Variants in DNAH5 observed in about 807,000 individuals in gnomAD.
The protein encoded by DNAH5 is dynein axonemal heavy chain 5, also known as axonemal beta dynein heavy chain 5.
In DNAH5, 372 loss-of-function variants were observed where a neutral mutation model predicts 518.2. The observed-to-expected ratio is 0.72, with a 90% CI of 0.66 to 0.78. DNAH5 has a LOEUF of 0.78. Among genes scored for constraint, DNAH5 ranks in the 30% least tolerant of loss-of-function variants. The pLI, the probability that DNAH5 is intolerant of heterozygous loss-of-function variation, is 0.00. For synonymous variants in DNAH5, 2,039 were observed against 2,025.9 expected (o/e 1.01, Z -0.17); for missense variants, 5,523 against 5,687.0 (o/e 0.97, Z 0.93).
At chr5:13,905,476 A>G (rs1775174484) in intron 12 of DNAH5, among the ~76,000 whole-genome samples, 1 of 152,230 alleles carries the variant, frequency 6.6e-6, no homozygotes, top group Non-Finnish European at 1.5e-5. Context: ...ACTGTAAGAA[A>G]TAAATTTCTT....
chr5:13,768,585 C>T (rs946039337), intron 58 of DNAH5, among the ~76,000 whole-genome samples: 5 of 152,082 alleles, frequency 3.3e-5, no homozygotes, highest in African/African-American at 1.2e-4. Context: ...CAGAAAACGT[C>T]GTATCTTACA....
intron 30 of DNAH5, among the ~76,000 whole-genome samples, chr5:13,858,943 G>A (rs919586499): frequency 3.9e-5 from 6 of 152,100 alleles, no homozygotes; most frequent in Non-Finnish European, 7.4e-5. Context: ...AGATGATTAC[G>A]ATTTGATGAT....
chr5:13,704,309 C>G (rs139573772), intron 76 of DNAH5, among the ~76,000 whole-genome samples: 1 of 146,518 alleles, frequency 6.8e-6, no homozygotes, highest in South Asian at 2.1e-4. Flanking sequence ...ACACTCTCTT[C>G]TGCTCCCACA....
At chr5:13,718,657 T>C (rs1197392749) in intron 72 of DNAH5, among the ~76,000 whole-genome samples, 3 of 152,194 alleles carry the variant, frequency 2.0e-5, no homozygotes, top group African/African-American at 7.2e-5. Context: ...TGGGCTTAAA[T>C]AGGGCAGTAC....
At chr5:13,782,219 A>G (rs924633639) in intron 52 of DNAH5, among the ~76,000 whole-genome samples, 2 of 152,160 alleles carry the variant, frequency 1.3e-5, no homozygotes, top group African/African-American at 4.8e-5. Flanking sequence ...ACAGCCAGGG[A>G]AGCTTCCTGA....
chr5:13,787,134 C>T (rs747628776), intron 51 of DNAH5, among the ~76,000 whole-genome samples: 2 of 151,184 alleles, frequency 1.3e-5, no homozygotes, highest in Non-Finnish European at 2.9e-5. Flanking sequence ...GCAGGAGAAT[C>T]GTCAGGAGGC....
rs776408335 is a variant in DNAH5 at position 13,788,788 on chromosome 5, T to C, written c.8575A>G (p.Lys2859Glu). 7.7e-5 allele frequency: 125 copies of C among 1,614,170 alleles called. 5 individuals are homozygous for C. In the South Asian group the frequency reaches 1.4e-3, roughly 17 times the overall value. ...ATTCCACAATCCACCAAGAGTTTTT[T>C]CTCTTCACCAAACTCCTCCTCTACC... The part of the protein sequence containing the change: ...SLVEEEFGEE[K>E]KLLVDCGIDT... Residue 2859 changes from lysine (K) to glutamate (E), a missense_variant, in exon 51 of 79, where the codon AAA (lysine) becomes GAA (glutamate). Coordinates refer to ENST00000265104, the MANE Select transcript of DNAH5 (RefSeq NM_001369.3).
At chr5:13,830,803 C>T in intron 35 of DNAH5, 28 bp from the exon 36 acceptor site, 1 of 1,612,472 alleles carries the variant, frequency 6.2e-7, no homozygotes, top group African/African-American at 1.3e-5. Context: ...TCACTAGAAC[C>T]AGCCCTCAGT....
At chr5:13,743,755 A>T (rs1385490229) in intron 65 of DNAH5, among the ~76,000 whole-genome samples, 1 of 152,130 alleles carries the variant, frequency 6.6e-6, no homozygotes, top group Non-Finnish European at 1.5e-5. Context: ...AACCAAAATG[A>T]CATATCATCT....
chr5:13,901,631 C>A (rs1379116963), intron 13 of DNAH5, 58 bp from the exon 14 acceptor site: 1 of 1,082,012 alleles, frequency 9.2e-7, no homozygotes, highest in Non-Finnish European at 1.3e-6. Flanking sequence ...ATAAAATACA[C>A]AATAAAAATA....
intron 68 of DNAH5, among the ~76,000 whole-genome samples, chr5:13,733,437 G>A (rs4701979): frequency 0.56 from 84,905 of 151,942 alleles, 23,915 homozygotes; most frequent in Non-Finnish European, 0.58. Flanking sequence ...CTCTAGAAAC[G>A]GGGGACTAGA....
intron 73 of DNAH5, 102 bp downstream of exon 73, chr5:13,717,213 C>A (rs555395280): frequency 8.9e-7 from 1 of 1,119,050 alleles, no homozygotes. Context: ...GCAAGCACAG[C>A]AAATTCTCTT....
intron 75 of DNAH5, among the ~76,000 whole-genome samples, chr5:13,713,208 CAT>C (rs1390773295): frequency 7.0e-6 from 1 of 142,296 alleles, no homozygotes; most frequent in African/African-American, 2.6e-5. Flanking sequence ...TATATACCGA[CAT>C]ATATATATAC....
In DNAH5 at chr5:13,810,207, C is replaced by T. The variant is rs1383118374; in HGVS notation, c.7461G>A (p.Ala2487=). Residue 2487 remains alanine, a synonymous_variant, in exon 45 of 79, where the codon GCG becomes GCA. Coordinates refer to ENST00000265104, the MANE Select transcript of DNAH5 (RefSeq NM_001369.3). ...QAHLGRLFVF[A]LLWSAGAALE... ...GCGCCGCCCCCGCGCTCCACAGCAGCGCGAACACGAACAGCCGCCCCAGGT... is the reference window on the plus strand; with the variant it reads ...GCGCCGCCCCCGCGCTCCACAGCAGTGCGAACACGAACAGCCGCCCCAGGT... The T allele has an allele frequency of 3.2e-6, 5 of 1,550,296 alleles. No homozygotes were observed. The highest frequency in any genetic ancestry group is 4.4e-6 in the Non-Finnish European group (5 of 1,146,874).
At chr5:13,796,534 C>A (rs182775236) in intron 47 of DNAH5, among the ~76,000 whole-genome samples, 1 of 152,004 alleles carries the variant, frequency 6.6e-6, no homozygotes, top group Non-Finnish European at 1.5e-5. Context: ...CAAACCACTG[C>A]GCCACGAAAT....
chr5:13,717,950 C>T (rs1327868636), intron 72 of DNAH5, among the ~76,000 whole-genome samples: 6 of 152,002 alleles, frequency 3.9e-5, no homozygotes, highest in Non-Finnish European at 8.8e-5. Context: ...GCCCTTTGCA[C>T]CTGAGTACAT....
chr5:13,910,009 C>T (rs1037369349), intron 12 of DNAH5, among the ~76,000 whole-genome samples: 4 of 152,194 alleles, frequency 2.6e-5, no homozygotes, highest in Non-Finnish European at 4.4e-5. Flanking sequence ...TGTGGTCAGA[C>T]ACTGCTGAGG....
At chr5:13,769,865 C>A (rs7715811) in intron 56 of DNAH5, among the ~76,000 whole-genome samples, 1 of 152,012 alleles carries the variant, frequency 6.6e-6, no homozygotes, top group Non-Finnish European at 1.5e-5. Context: ...AAATTAGGAA[C>A]GACAGTAAGG....
rs1156817896 is a variant in DNAH5 at position 13,862,582 on chromosome 5, T to C, written c.4762A>G (p.Ser1588Gly). Residue 1588 changes from serine to glycine, a missense_variant, in exon 29 of 79, where the codon AGC becomes GGC. Physicochemically the swap from Ser to Gly is moderately conservative, Grantham distance 56. Around this residue, in one of 3 missense-constraint regions of DNAH5, gnomAD observed 5,121 missense variants for 5,223.3 expected, o/e 0.98. Coordinates refer to ENST00000265104, the MANE Select transcript of DNAH5 (RefSeq NM_001369.3). ...TSEIIANMEDSLMLLGSLLSN... is the reference protein window; with the variant it reads ...TSEIIANMEDGLMLLGSLLSN... ...AGTAGGGATCCCAGCAACATCAAGCTGTCCTCCATGTTGGCGATGATTTCC... is the reference window on the plus strand; with the variant it reads ...AGTAGGGATCCCAGCAACATCAAGCCGTCCTCCATGTTGGCGATGATTTCC... 1 of 1,614,012 alleles carries C rather than the reference T, an allele frequency of 6.2e-7. No individual in the cohort carries two copies. The highest frequency in any genetic ancestry group is 1.1e-5 in the South Asian group (1 of 91,058).
Sources: allele counts gnomAD v4.1 joint callset (sites outside exome capture counted in the v4.1 genomes callset), GRCh38; gene constraint gnomAD v4.1.1; regional missense constraint gnomAD v4.1.1; transcripts MANE v1.5; gene names NCBI Gene and HGNC (gene_info 2026-07-23, HGNC 2026-07-21).